Variants in IQCM observed in about 807,000 individuals in gnomAD.
The protein encoded by IQCM is IQ motif containing M.
In IQCM, 45 loss-of-function variants were observed where a neutral mutation model predicts 57.6. The ratio of observed to expected loss-of-function variants is 0.78; its 90% CI spans 0.62 to 1.00. The LOEUF (loss-of-function observed/expected upper bound fraction) is 1.00, where lower values mean the gene tolerates loss of function less well. IQCM is among the 50% of genes least tolerant of loss of function. The probability of loss-of-function intolerance (pLI) is 0.00; values close to 1 mark genes in which losing one functional copy is unlikely to be tolerated. For synonymous variants in IQCM, 148 were observed against 158.9 expected, an observed-to-expected ratio of 0.93 and a Z score of 0.51; for missense variants, 468 against 511.6, an observed-to-expected ratio of 0.91 and a Z score of 0.82.
chr4:149,388,816 C>T (rs905832080), intron 13 of IQCM, among the ~76,000 whole-genome samples: 1 of 148,236 alleles, frequency 6.7e-6, no homozygotes, highest in South Asian at 2.1e-4. Flanking sequence ...GGACTATCCT[C>T]ATTCTTTGCC....
At chr4:149,722,865 T>C (rs1342051608) in intron 5 of IQCM, among the ~76,000 whole-genome samples, 1 of 152,154 alleles carries the variant, frequency 6.6e-6, no homozygotes, top group South Asian at 2.1e-4. Flanking sequence ...TTGCATTGAG[T>C]CTGTGGATTG....
chr4:149,390,691 T>C (rs1174268519), intron 13 of IQCM, among the ~76,000 whole-genome samples: 3 of 151,972 alleles, frequency 2.0e-5, no homozygotes, highest in Admixed American at 1.3e-4. Flanking sequence ...TGTGGTTTTT[T>C]TCTTTATTAA....
intron 7 of IQCM, among the ~76,000 whole-genome samples, chr4:149,668,663 A>G (rs1760962724): frequency 1.3e-5 from 2 of 152,322 alleles, no homozygotes; most frequent in African/African-American, 4.8e-5. Context: ...TAATAATTAA[A>G]TAAAAGAAAA....
chr4:149,672,184 G>T (rs1415451303), intron 7 of IQCM, among the ~76,000 whole-genome samples: 1 of 152,156 alleles, frequency 6.6e-6, no homozygotes, highest in Non-Finnish European at 1.5e-5. Context: ...AGAGCAGAAA[G>T]GCTGAAAATT....
chr4:149,615,657 A>G (rs1245661866), intron 8 of IQCM, among the ~76,000 whole-genome samples: 1 of 152,236 alleles, frequency 6.6e-6, no homozygotes, highest in Admixed American at 6.5e-5. Context: ...TAAAAAGGAT[A>G]GTGTTCTTCT....
intron 5 of IQCM, among the ~76,000 whole-genome samples, chr4:149,717,364 G>A (rs1233787404): frequency 4.6e-5 from 7 of 152,262 alleles, no homozygotes; most frequent in Non-Finnish European, 4.4e-5. Context: ...CTTGGTGTGT[G>A]AGGAGAAATT....
intron 8 of IQCM, among the ~76,000 whole-genome samples, chr4:149,602,988 A>G (rs1754452914): frequency 6.6e-6 from 1 of 152,140 alleles, no homozygotes; most frequent in Non-Finnish European, 1.5e-5. Flanking sequence ...TTTATTGTAA[A>G]AAATTAAATC....
chr4:149,407,340 G>A (rs905583990), intron 13 of IQCM, among the ~76,000 whole-genome samples: 1 of 152,046 alleles, frequency 6.6e-6, no homozygotes, highest in African/African-American at 2.4e-5. Flanking sequence ...AAATTTTTAT[G>A]GATTTAAGGG....
intron 12 of IQCM, among the ~76,000 whole-genome samples, chr4:149,506,484 A>G (rs952583117): frequency 6.6e-6 from 1 of 152,184 alleles, no homozygotes; most frequent in Non-Finnish European, 1.5e-5. Context: ...AAGTGATACT[A>G]TCATTGTAAG....
At chr4:149,733,588 T>C (rs1221870019) in intron 4 of IQCM, 80 bp from the exon 5 acceptor site, 6 of 720,556 alleles carry the variant, frequency 8.3e-6, no homozygotes, top group Non-Finnish European at 1.1e-5. Context: ...ATTTTATTAA[T>C]AAGTTCATGA....
chr4:149,738,524 C>T (rs376472962), intron 3 of IQCM, among the ~76,000 whole-genome samples: 3 of 152,112 alleles, frequency 2.0e-5, no homozygotes, highest in Admixed American at 6.6e-5. Flanking sequence ...AAACTATATG[C>T]GCTCTAGTAG....
chr4:149,613,815 C>T (rs907924098), intron 8 of IQCM, among the ~76,000 whole-genome samples: 7 of 151,886 alleles, frequency 4.6e-5, no homozygotes, highest in Non-Finnish European at 7.4e-5. Context: ...TGAGAACATG[C>T]GGTGTTTGGT....
chr4:149,686,965 T>A (rs999027864), intron 5 of IQCM, among the ~76,000 whole-genome samples: 1 of 151,598 alleles, frequency 6.6e-6, no homozygotes, highest in Non-Finnish European at 1.5e-5. Flanking sequence ...TTCTACTTTT[T>A]AAAAAATCTA....
chr4:149,471,017 G>A (rs549661237), intron 12 of IQCM, among the ~76,000 whole-genome samples: 2 of 152,256 alleles, frequency 1.3e-5, no homozygotes, highest in Non-Finnish European at 2.9e-5. Context: ...GAGAAAGCAG[G>A]AAAGATCTAA....
At chr4:149,508,394 G>C (rs1041295475) in intron 12 of IQCM, among the ~76,000 whole-genome samples, 1 of 152,180 alleles carries the variant, frequency 6.6e-6, no homozygotes, top group Non-Finnish European at 1.5e-5. Flanking sequence ...GCCCAGCAAA[G>C]CCACAGAGGC....
intron 7 of IQCM, among the ~76,000 whole-genome samples, chr4:149,674,877 T>G (rs916830123): frequency 6.6e-6 from 1 of 151,960 alleles, no homozygotes; most frequent in East Asian, 1.9e-4. Flanking sequence ...GAGAAGAAAT[T>G]AAAAACTTGA....
intron 5 of IQCM, chr4:149,710,876 A>G (rs748360523): frequency 1.3e-5 from 2 of 152,018 alleles, no homozygotes; most frequent in Non-Finnish European, 2.9e-5. Context: ...ATATTTCACT[A>G]CTAACCCATA....
At chr4:149,712,734 G>A (rs1764666681) in intron 5 of IQCM, among the ~76,000 whole-genome samples, 1 of 152,062 alleles carries the variant, frequency 6.6e-6, no homozygotes, top group South Asian at 2.1e-4. Flanking sequence ...CTCCAGAATG[G>A]TAATAAGAAT....
chr4:149,697,410 C>A (rs1010511551), intron 5 of IQCM, among the ~76,000 whole-genome samples: 3 of 151,894 alleles, frequency 2.0e-5, no homozygotes, highest in African/African-American at 7.3e-5. Context: ...AAAATAAAGT[C>A]ATTTCAGAGT....
Sources: gnomAD v4.1 joint callset for allele counts (sites outside exome capture counted in the v4.1 genomes callset) on GRCh38, gnomAD v4.1.1 for gene constraint, MANE v1.5 for transcripts, NCBI Gene and HGNC (gene_info 2026-07-23, HGNC 2026-07-21) for gene names.